ZFP62: variants seen among roughly 807,000 people sequenced by gnomAD.
ZFP62 encodes zinc finger protein 62 homolog.
Under a neutral mutation model 56.4 loss-of-function variants are expected in ZFP62, and 44 were observed. The observed-to-expected ratio is 0.78, with a 90% CI of 0.61 to 1.00. The LOEUF (loss-of-function observed/expected upper bound fraction) is 1.00, where lower values mean the gene tolerates loss of function less well. Among genes scored for constraint, ZFP62 ranks in the 50% least tolerant of loss-of-function variants. The pLI is 0.00. For missense variants in ZFP62, 1,030 were observed against 1,085.7 expected (o/e 0.95, Z 0.72); for synonymous variants, 421 against 388.9 (o/e 1.08, Z -0.97).
At chr5:180,831,434 G>C in the ZFP62 span, 2 of 151,568 alleles carry the variant, frequency 1.3e-5, no homozygotes, top group African/African-American at 4.9e-5. Context: ...TTTTTGAGAC[G>C]GAGTTTCGCT....
chr5:180,859,016 T>C (rs2113723453), intron 1 of ZFP62, among the ~76,000 whole-genome samples: 1 of 152,234 alleles, frequency 6.6e-6, no homozygotes, highest in African/African-American at 2.4e-5. Context: ...CCTAGAAAAG[T>C]GAATGCAAAC....
chr5:180,841,151 T>C, the ZFP62 span, among the ~76,000 whole-genome samples: 1 of 152,118 alleles, frequency 6.6e-6, no homozygotes, highest in Non-Finnish European at 1.5e-5. Flanking sequence ...TAACCTCTTG[T>C]ATCCCAGATA....
the ZFP62 span, among the ~76,000 whole-genome samples, chr5:180,829,288 TG>T: frequency 6.6e-6 from 1 of 151,732 alleles, no homozygotes. Context: ...ATCTTTGTTC[TG>T]CCTTTTGCCC....
chr5:180,841,237 A>G, the ZFP62 span, among the ~76,000 whole-genome samples: 2 of 136,736 alleles, frequency 1.5e-5, no homozygotes, highest in African/African-American at 5.5e-5. Flanking sequence ...GCAGTGTGCT[A>G]TATCCATATA....
chr5:180,838,554 G>C, the ZFP62 span, among the ~76,000 whole-genome samples: 1 of 152,212 alleles, frequency 6.6e-6, no homozygotes, highest in African/African-American at 2.4e-5. Context: ...AATTTTCATG[G>C]TTGTATGCTG....
chr5:180,848,992 T>C lies in ZFP62; in HGVS notation c.2503A>G (p.Thr835Ala). ...SVLDQHKRIH[T>A]GKKPYRCNEC... ...TTACATCGGTATGGCTTCTTTCCAG[T>C]GTGGATCCTTTTGTGCTGGTCAAGG... Residue 835 changes from threonine (T) to alanine (A), a missense_variant, in exon 2 of 2, where the codon ACT becomes GCT. Thr to Ala is a moderately conservative substitution (Grantham distance 58). Transcript: ENST00000502412. 1 of 1,551,756 alleles carries C rather than the reference T, an allele frequency of 6.4e-7. No individual in the cohort carries two copies. The highest frequency in any genetic ancestry group is 8.7e-7 in the Non-Finnish European group (1 of 1,146,980).
downstream of ZFP62, among the ~76,000 whole-genome samples, chr5:180,843,366 A>G (rs534177583): frequency 1.1e-4 from 17 of 152,266 alleles, no homozygotes; most frequent in South Asian, 3.5e-3. Context: ...AGAATCATTC[A>G]TAACTATAAA....
In ZFP62 at chr5:180,849,701, G is replaced by A. The variant is rs774392625; in HGVS notation, c.1794C>T (p.Phe598=). Residue 598 remains phenylalanine (F), a synonymous_variant, in exon 2 of 2, where the codon TTC becomes TTT. Coordinates refer to ENST00000502412, the MANE Select transcript of ZFP62 (RefSeq NM_001172638.2). ...PFKCDECEKA[F]ITYRTLTNHK... ...GGTTTGTAAGGGTTCGGTATGTGAT[G>A]AAGGCCTTCTCACACTCGTCACACT... 11 of 1,551,552 alleles carry A rather than the reference G, an allele frequency of 7.1e-6. No homozygotes were observed. The highest frequency in any genetic ancestry group is 1.4e-5 in the African/African-American group (1 of 72,924).
At chr5:180,859,709 T>C (rs1666337504) in intron 1 of ZFP62, among the ~76,000 whole-genome samples, 1 of 152,190 alleles carries the variant, frequency 6.6e-6, no homozygotes, top group African/African-American at 2.4e-5. Context: ...AATTAGTCTA[T>C]TAGGCTAGTG....
At chr5:180,837,063 T>C in the ZFP62 span, among the ~76,000 whole-genome samples, 2 of 152,232 alleles carry the variant, frequency 1.3e-5, no homozygotes, top group African/African-American at 4.8e-5. Context: ...TACCGCCTGC[T>C]TCCCAGAGCA....
intron 1 of ZFP62, among the ~76,000 whole-genome samples, chr5:180,860,864 C>G (rs369996566): frequency 6.6e-6 from 1 of 152,100 alleles, no homozygotes; most frequent in Non-Finnish European, 1.5e-5. Flanking sequence ...TTTTAGGGAT[C>G]CCCTCCCATC....
rs1773640560 is a variant in ZFP62, at chr5:180,850,577, C to G, written c.918G>C (p.Glu306Asp). ...LRVHKRIHTG[E>D]KPYECDECGK... ...CACACTCATCACATTCGTAAGGTTT[C>G]TCACCTGTGTGGATCCTTTTATGGA... Residue 306 changes from glutamate to aspartate, a missense_variant, in exon 2 of 2, where the codon GAG (glutamate) becomes GAC (aspartate). Transcript: ENST00000502412. 6.4e-7 allele frequency: 1 copy of G among 1,559,806 alleles called. No individual in the cohort carries two copies. The highest frequency in any genetic ancestry group is 8.7e-7 in the Non-Finnish European group (1 of 1,151,990).
At chr5:180,854,004 T>C (rs185718721) in intron 1 of ZFP62, among the ~76,000 whole-genome samples, 8 of 152,380 alleles carry the variant, frequency 5.3e-5, no homozygotes, top group South Asian at 4.1e-4. Flanking sequence ...CCTGTATGGC[T>C]GTATGCATAT....
the ZFP62 span, chr5:180,834,859 G>C: frequency 6.6e-6 from 1 of 152,166 alleles, no homozygotes; most frequent in African/African-American, 2.4e-5. Context: ...GTTTTTGGAG[G>C]AGACTGTTTT....
At chr5:180,861,194 C>T (rs902000298) in intron 1 of ZFP62, 25 bp downstream of exon 1, 25 of 398,204 alleles carry the variant, frequency 6.3e-5, no homozygotes, top group Non-Finnish European at 1.1e-4. Flanking sequence ...GGGGCGGGAG[C>T]GCGGGCGGCC....
At chr5:180,847,460 G>A (rs963755245), downstream of ZFP62, among the ~76,000 whole-genome samples, 2 of 152,166 alleles carry the variant, frequency 1.3e-5, no homozygotes, top group Non-Finnish European at 2.9e-5. Context: ...TCCTAGGGAG[G>A]CACCTTCTAA....
the ZFP62 span, among the ~76,000 whole-genome samples, chr5:180,837,768 A>G: frequency 6.6e-6 from 1 of 152,206 alleles, no homozygotes; most frequent in South Asian, 2.1e-4. Context: ...ACTGAAAACC[A>G]GCATCCAGGC....
downstream of ZFP62, among the ~76,000 whole-genome samples, chr5:180,846,030 C>T (rs558517008): frequency 1.2e-4 from 18 of 152,200 alleles, 1 homozygote; most frequent in South Asian, 3.7e-3. Flanking sequence ...TTTATTTTTC[C>T]CACTTGCATA....
Position 180,849,499 on chromosome 5 carries a change from T to C in ZFP62, c.1996A>G (p.Ile666Val). ...NNSSLKVHKR[I>V]HTGERPYECD... is the part of the protein sequence containing the mutation. ...TCATAGGGCCTCTCCCCAGTATGGA[T>C]TCTTTTATGAACTTTAAGGCTTGAG... Residue 666 changes from isoleucine to valine, a missense_variant, in exon 2 of 2, where the codon ATC becomes GTC. Physicochemically the swap from Ile to Val is conservative, Grantham distance 29 (BLOSUM62 3). Coordinates refer to ENST00000502412, the MANE Select transcript of ZFP62 (RefSeq NM_001172638.2). 1 of 1,552,058 alleles carries C rather than the reference T, an allele frequency of 6.4e-7. No individual in the cohort carries two copies. The highest frequency in any genetic ancestry group is 1.2e-5 in the South Asian group (1 of 84,050).
Sources: gnomAD v4.1 joint callset for allele counts (sites outside exome capture counted in the v4.1 genomes callset) on GRCh38, gnomAD v4.1.1 for gene constraint, MANE v1.5 for transcripts, NCBI Gene and HGNC (gene_info 2026-07-23, HGNC 2026-07-21) for gene names.